Variants in MLH3 observed in about 807,000 individuals in gnomAD.
MLH3 encodes the protein DNA mismatch repair protein Mlh3.
MLH3 carries 82 observed loss-of-function variants against 122.2 expected under a neutral mutation model. The ratio of observed to expected loss-of-function variants is 0.67; its 90% CI spans 0.56 to 0.81. The LOEUF (loss-of-function observed/expected upper bound fraction) is 0.81. Ranked by LOEUF, MLH3 falls within the 30% of genes least tolerant of loss-of-function variation. The pLI, the probability that MLH3 is intolerant of heterozygous loss-of-function variation, is 0.00. For synonymous variants in MLH3, 524 were observed against 599.5 expected (o/e 0.87, Z 1.84); for missense variants, 1,539 against 1,714.5 (o/e 0.90, Z 1.81).
chr14:75,024,688 C>T (rs1315596427), intron 9 of MLH3, among the ~76,000 whole-genome samples: 1 of 152,112 alleles, frequency 6.6e-6, no homozygotes, highest in African/African-American at 2.4e-5. Context: ...CTCAAAACAC[C>T]AAAACTGTTC....
In MLH3 at chr14:75,022,949, T is replaced by C; in HGVS notation, c.4011+46A>G. On this transcript the variant is annotated intron_variant, in intron 10 of 12. Transcript: ENST00000355774. ...GAAAACGGAACAACGAAGCCTTTTATGTGTGGTGCTTCTGTGTGAAACCCC... is the reference window on the plus strand; with the variant it reads ...GAAAACGGAACAACGAAGCCTTTTACGTGTGGTGCTTCTGTGTGAAACCCC... The C allele has an allele frequency of 1.2e-6, 2 of 1,613,992 alleles. No homozygotes were observed. The highest frequency in any genetic ancestry group is 1.7e-6 in the Non-Finnish European group (2 of 1,179,830).
chr14:75,029,772 T>C (rs1890914475), intron 9 of MLH3, among the ~76,000 whole-genome samples: 1 of 152,086 alleles, frequency 6.6e-6, no homozygotes, highest in Non-Finnish European at 1.5e-5. Flanking sequence ...CGACCTCAGG[T>C]GAACCACCCA....
At chr14:75,040,276 C>T (rs1891746569) in intron 4 of MLH3, among the ~76,000 whole-genome samples, 1 of 150,980 alleles carries the variant, frequency 6.6e-6, no homozygotes, top group East Asian at 1.9e-4. Flanking sequence ...GGTGAAACCC[C>T]ATCTCTACTA....
intron 2 of MLH3, among the ~76,000 whole-genome samples, chr14:75,044,269 A>C (rs1010387846): frequency 7.2e-5 from 11 of 152,336 alleles, no homozygotes; most frequent in Middle Eastern, 3.4e-3. Context: ...GGAAACTATC[A>C]GTTAACATGA....
At position 75,017,201 on chromosome 14, in the gene MLH3, T is replaced by A; in HGVS notation, c.4243A>T (p.Ile1415Phe). ...CGAAGTTTAGTGAGGTTGGGTTTAA[T>A]CTATGGGAAGAAAGAATAACTTCAA... ...DIDHLEQEKQIKPNLTKLRKM... is the reference protein window; with the variant it reads ...DIDHLEQEKQFKPNLTKLRKM... Residue 1415 changes from isoleucine to phenylalanine, a missense_variant and splice_region_variant, in exon 13 of 13, where the codon ATT (isoleucine) becomes TTT (phenylalanine). Coordinates refer to ENST00000355774, the MANE Select transcript of MLH3 (RefSeq NM_001040108.2). The A allele has an allele frequency of 5.6e-6, 9 of 1,613,506 alleles. No homozygotes were observed. Among genetic ancestry groups the A allele is most frequent in the Non-Finnish European group, 5.9e-6 (7 of 1,179,734 alleles).
intron 5 of MLH3, among the ~76,000 whole-genome samples, chr14:75,039,048 G>A (rs1047927355): frequency 2.6e-5 from 4 of 151,970 alleles, no homozygotes; most frequent in Admixed American, 1.3e-4. Flanking sequence ...TAGTAGAGAC[G>A]GGGTTTCACC....
In MLH3 at chr14:75,047,852, T is replaced by TAACTCGCCCATAACTA. The variant is rs1237115673; in HGVS notation, c.1788_1803dup (p.Lys602Ter). On this transcript the variant is annotated stop_gained and frameshift_variant, in exon 2 of 13. Coordinates refer to ENST00000355774, the MANE Select transcript of MLH3 (RefSeq NM_001040108.2). LOFTEE classifies it high-confidence loss of function. ...GTTATAAAGCCAGTGGAACATAATT[T>TAACTCGCCCATAACTA]AACTCGCCCATAACTAAAAACATTT... 3.3e-5 allele frequency: 54 copies of TAACTCGCCCATAACTA among 1,612,948 alleles called. No individual in the cohort carries two copies. Among genetic ancestry groups the TAACTCGCCCATAACTA allele is most frequent in the Non-Finnish European group, 4.3e-5 (51 of 1,179,784 alleles).
intron 9 of MLH3, among the ~76,000 whole-genome samples, chr14:75,029,714 T>C (rs2139377713): frequency 6.6e-6 from 1 of 152,250 alleles, no homozygotes; most frequent in East Asian, 1.9e-4. Context: ...TTTCTATTTT[T>C]AGTAGAGATG....
At chr14:75,044,570 A>G (rs1044531904) in intron 2 of MLH3, among the ~76,000 whole-genome samples, 7 of 152,224 alleles carry the variant, frequency 4.6e-5, no homozygotes, top group African/African-American at 1.4e-4. Context: ...AAAAGCACAT[A>G]AAGTGGCTTT....
rs956373032 is a variant in MLH3, at chr14:75,032,704, A to G, written c.3716-525T>C. Among the ~76,000 whole-genome samples, 5 of 151,686 alleles carry G rather than the reference A, an allele frequency of 3.3e-5. No individual in the cohort carries two copies. The Admixed American group carries it at 3.3e-4, about 10-fold the overall frequency. On this transcript the variant is annotated intron_variant, in intron 7 of 12. Transcript: ENST00000355774. ...ACAGTAGTAATATCATTGCCATTCT[A>G]GTCCATGAAGCACTCCTTAGGTCCT...
Position 75,036,803 on chromosome 14 carries a change from A to G in MLH3, c.3643+1537T>C, listed in dbSNP as rs140576772. On this transcript the variant is annotated intron_variant, in intron 6 of 12. Coordinates refer to ENST00000355774, the MANE Select transcript of MLH3 (RefSeq NM_001040108.2). ...ATACTTTCCCCATATCCAATCCATC[A>G]CCAAGCCCTGCTGACTCTATCTCCT... is the stretch of plus-strand genomic sequence containing the variant. The G allele has an allele frequency of 5.5e-4, 253 of 455,938 alleles. 1 individual carries two copies. The highest frequency in any genetic ancestry group is 4.4e-3 in the African/African-American group (220 of 50,126). 28.2% of individuals were successfully genotyped at this position (455,938 alleles called of 1,614,324 possible). A position where few individuals can be genotyped will look rare whatever the true frequency, so the allele number is the denominator to read the frequency against.
In MLH3 at chr14:75,017,182, T is replaced by G. The variant is rs758153765; in HGVS notation, c.4262A>C (p.Lys1421Thr). Reference sequence around the variant, plus strand: ...CCAGGCCTGGGCCATTTTGCGAAGTTTAGTGAGGTTGGGTTTAATCTATGG... The same window carrying G: ...CCAGGCCTGGGCCATTTTGCGAAGTGTAGTGAGGTTGGGTTTAATCTATGG... ...QEKQIKPNLT[K>T]LRKMAQAWRL... Residue 1421 changes from lysine (K) to threonine (T), a missense_variant, in exon 13 of 13, where the codon AAA becomes ACA. Physicochemically the swap from Lys to Thr is moderately conservative, Grantham distance 78. Coordinates refer to ENST00000355774, the MANE Select transcript of MLH3 (RefSeq NM_001040108.2). 2 of 1,611,838 alleles carry G rather than the reference T, an allele frequency of 1.2e-6. No individual in the cohort carries two copies. Among genetic ancestry groups the G allele is most frequent in the Admixed American group, 3.3e-5 (2 of 59,924 alleles).
At chr14:75,039,002 T>G (rs1891617692) in intron 5 of MLH3, among the ~76,000 whole-genome samples, 1 of 151,624 alleles carries the variant, frequency 6.6e-6, no homozygotes, top group Non-Finnish European at 1.5e-5. Flanking sequence ...GGAGTACAGG[T>G]GCCCGCCACC....
chr14:75,036,551 G>A (rs1891425761), intron 6 of MLH3: 2 of 407,008 alleles, frequency 4.9e-6, no homozygotes, highest in African/African-American at 4.1e-5. Context: ...CAGCATGTTG[G>A]CCAGGCTGGT....
At position 75,041,617 on chromosome 14, in the gene MLH3, C is replaced by G. The variant is rs2139492245; in HGVS notation, c.3463G>C (p.Glu1155Gln). 1 of 1,612,124 alleles carries G rather than the reference C, an allele frequency of 6.2e-7. No homozygotes were observed. Among genetic ancestry groups the G allele is most frequent in the South Asian group, 1.1e-5 (1 of 91,044 alleles). Residue 1155 changes from glutamate (E) to glutamine (Q), a missense_variant and splice_region_variant, in exon 4 of 13, where the codon GAG (glutamate) becomes CAG (glutamine). Coordinates refer to ENST00000355774, the MANE Select transcript of MLH3 (RefSeq NM_001040108.2). ...AAGAAAAACTGCTACAGACCCACCT[C>G]TGGATAACGGGCAAATACTGGATTG... ...WDNPVFARYP[E>Q]VAVDVSSGQA...
rs557964715 is a variant in MLH3, at chr14:75,044,985, G to A, written c.3280+1391C>T. Among the ~76,000 whole-genome samples the A allele has an allele frequency of 3.3e-5, 5 of 152,328 alleles. No individual in the cohort carries two copies. In the South Asian group the frequency reaches 6.2e-4, roughly 19 times the overall value. On this transcript the variant is annotated intron_variant, in intron 2 of 12. Coordinates refer to ENST00000355774, the MANE Select transcript of MLH3 (RefSeq NM_001040108.2). ...AGCAATATCACTTTAAATGTGGACC[G>A]AGAACCCAGAGTCCTAGTGCAGGCT...
intron 12 of MLH3, among the ~76,000 whole-genome samples, chr14:75,017,445 G>T (rs961556426): frequency 6.6e-6 from 1 of 152,138 alleles, no homozygotes; most frequent in Non-Finnish European, 1.5e-5. Context: ...GGAGGCTGAG[G>T]CAGGAGAATT....
intron 11 of MLH3, among the ~76,000 whole-genome samples, chr14:75,022,520 C>G (rs571705506): frequency 6.6e-6 from 1 of 152,306 alleles, no homozygotes; most frequent in Non-Finnish European, 1.5e-5. Flanking sequence ...ATTCCCCTTT[C>G]CATGCTATGA....
intron 11 of MLH3, among the ~76,000 whole-genome samples, chr14:75,022,433 C>T (rs952139373): frequency 6.6e-6 from 1 of 152,170 alleles, no homozygotes; most frequent in Non-Finnish European, 1.5e-5. Context: ...TTTCTTGATA[C>T]TCTTTGCTGC....
Sources: allele counts gnomAD v4.1 joint callset (sites outside exome capture counted in the v4.1 genomes callset), GRCh38; gene constraint gnomAD v4.1.1; transcripts MANE v1.5; gene names NCBI Gene and HGNC (gene_info 2026-07-23, HGNC 2026-07-21).